Variants in ADD1 observed in about 807,000 individuals in gnomAD.
The protein encoded by ADD1 is alpha-adducin.
Under a neutral mutation model 80.5 loss-of-function variants are expected in ADD1, and 24 were observed. The observed-to-expected ratio is 0.30, with a 90% CI of 0.22 to 0.42. ADD1 has a LOEUF of 0.42. Among genes scored for constraint, ADD1 ranks in the 10% least tolerant of loss-of-function variants. The probability of loss-of-function intolerance (pLI) is 1.00; values close to 1 mark genes in which losing one functional copy is unlikely to be tolerated. For missense variants in ADD1, 948 were observed against 1,019.0 expected, an observed-to-expected ratio of 0.93 and a Z score of 0.95; for synonymous variants, 373 against 393.8, an observed-to-expected ratio of 0.95 and a Z score of 0.63.
At chr4:2,899,519 G>A (rs1320551807) in intron 9 of ADD1, 84 bp downstream of exon 9, 1 of 1,472,842 alleles carries the variant, frequency 6.8e-7, no homozygotes, top group African/African-American at 1.4e-5. Flanking sequence ...TGCGATTGCT[G>A]TCTTTTATGC....
chr4:2,869,141 C>T (rs897010233), intron 1 of ADD1, among the ~76,000 whole-genome samples: 4 of 152,140 alleles, frequency 2.6e-5, no homozygotes, highest in Non-Finnish European at 5.9e-5. Flanking sequence ...TTCCTGACAG[C>T]CCCTCTCTAT....
chr4:2,908,811 C>T lies in ADD1; in HGVS notation c.1698+207C>T, dbSNP rs187024477. 23 of 589,022 alleles carry T rather than the reference C, an allele frequency of 3.9e-5. No individual in the cohort carries two copies. The African/African-American group carries it at 3.9e-4, about 10-fold the overall frequency. The allele number at this position is 589,022 out of a possible 1,614,324, so 36.5% of individuals were successfully genotyped here. ...CGAGCATGCTGAGGGCTGTGTCCAC[C>T]CCTCTGGTCATGCCCCTTGTAATGC... is the stretch of plus-strand genomic sequence containing the variant. On this transcript the variant is annotated intron_variant, in intron 12 of 15. Coordinates refer to ENST00000683351, the MANE Select transcript of ADD1 (RefSeq NM_001354761.2).
In ADD1 at chr4:2,904,863, T is replaced by G. The variant is rs1416491196; in HGVS notation, c.1261T>G (p.Phe421Val). ...TCCTGCTAGTGTCACAGGTTACTCCTTTGCTAGTGACGGTGATTCGGGCAC... is the reference window on the plus strand; with the variant it reads ...TCCTGCTAGTGTCACAGGTTACTCCGTTGCTAGTGACGGTGATTCGGGCAC... ...EVPASVTGYS[F>V]ASDGDSGTCS... The change falls in exon 10 of 16, where the codon TTT (phenylalanine) becomes GTT (valine). Residue 421 changes from phenylalanine (F) to valine (V), a missense_variant. Phe to Val is a conservative substitution (Grantham distance 50). Coordinates refer to ENST00000683351, the MANE Select transcript of ADD1 (RefSeq NM_001354761.2). 2 of 1,614,070 alleles carry G rather than the reference T, an allele frequency of 1.2e-6. No individual in the cohort carries two copies. Among genetic ancestry groups the G allele is most frequent in the East Asian group, 2.2e-5 (1 of 44,896 alleles).
At chr4:2,845,863 C>A (rs1726121840) in intron 1 of ADD1, among the ~76,000 whole-genome samples, 1 of 152,140 alleles carries the variant, frequency 6.6e-6, no homozygotes, top group African/African-American at 2.4e-5. Context: ...TTGCTTGAAA[C>A]TTAGAGTTAG....
chr4:2,858,563 C>A (rs1728404408), intron 1 of ADD1, among the ~76,000 whole-genome samples: 1 of 152,220 alleles, frequency 6.6e-6, no homozygotes, highest in South Asian at 2.1e-4. Flanking sequence ...AAACCAGATT[C>A]TTTTCTGCAC....
intron 10 of ADD1, chr4:2,907,496 T>C (rs1737261216): frequency 9.9e-6 from 4 of 402,498 alleles, no homozygotes; most frequent in South Asian, 9.9e-5. Context: ...CAGATTCAGC[T>C]GGGCTTTCCA....
chr4:2,907,628 G>A (rs1310184884), intron 10 of ADD1, 115 bp from the exon 11 acceptor site: 6 of 899,394 alleles, frequency 6.7e-6, no homozygotes, highest in Non-Finnish European at 7.3e-6. Context: ...CATTGGTTCA[G>A]TCCTCTCTGT....
intron 6 of ADD1, among the ~76,000 whole-genome samples, chr4:2,896,972 C>T (rs550107207): frequency 6.6e-6 from 1 of 152,220 alleles, no homozygotes; most frequent in East Asian, 1.9e-4. Context: ...GTTGACCAGG[C>T]TGGTCTCGAA....
At position 2,915,038 on chromosome 4, in the gene ADD1, A is replaced by G; in HGVS notation, c.1946A>G (p.Glu649Gly). The G allele has an allele frequency of 6.2e-7, 1 of 1,610,944 alleles. No individual in the cohort carries two copies. Among genetic ancestry groups the G allele is most frequent in the Non-Finnish European group, 8.5e-7 (1 of 1,178,376 alleles). The change falls in exon 14 of 16, where the codon GAA (glutamate) becomes GGA (glycine). Residue 649 changes from glutamate to glycine, a missense_variant and splice_region_variant. Transcript: ENST00000683351. ...GTGGAGAGGAAGCAGAAGGGCTCTGAAGGTGAGTGCTTGTGGTCCTGGGCA... is the reference window on the plus strand; with the variant it reads ...GTGGAGAGGAAGCAGAAGGGCTCTGGAGGTGAGTGCTTGTGGTCCTGGGCA... Reference protein sequence around the residue: ...REVERKQKGSEENLDEAREQK... With the variant: ...REVERKQKGSGENLDEAREQK...
chr4:2,859,921 C>T (rs886354469), intron 1 of ADD1, among the ~76,000 whole-genome samples: 2 of 119,004 alleles, frequency 1.7e-5, no homozygotes, highest in Non-Finnish European at 1.8e-5. Context: ...TGATATTGCT[C>T]CATTTTTTTT....
chr4:2,889,081 G>A (rs1733878073), intron 4 of ADD1, among the ~76,000 whole-genome samples: 2 of 152,128 alleles, frequency 1.3e-5, no homozygotes, highest in African/African-American at 4.8e-5. Context: ...GAACAGCTAG[G>A]CAAGGAGATT....
At chr4:2,892,655 C>T (rs909210955) in intron 4 of ADD1, among the ~76,000 whole-genome samples, 1 of 151,864 alleles carries the variant, frequency 6.6e-6, no homozygotes, top group Non-Finnish European at 1.5e-5. Context: ...CTTAGTGAGA[C>T]CCCATCTCTA....
chr4:2,898,316 C>T lies in ADD1; in HGVS notation c.874C>T (p.Pro292Ser), dbSNP rs1346552808. ...AGTTTTGATTCAGAAAAATCTGGGG[C>T]CTAAAAGCAAGGTCAGTAGGCATCT... is the stretch of plus-strand genomic sequence containing the variant. ...EKVLIQKNLG[P>S]KSKVLILRNH... The change falls in exon 7 of 16, where the codon CCT (proline) becomes TCT (serine). Residue 292 changes from proline (P) to serine (S), a missense_variant. Physicochemically the swap from Pro to Ser is moderately conservative, Grantham distance 74 (BLOSUM62 -1). Transcript: ENST00000683351. 1 of 1,614,150 alleles carries T rather than the reference C, an allele frequency of 6.2e-7. No individual in the cohort carries two copies. The highest frequency in any genetic ancestry group is 1.7e-5 in the Admixed American group (1 of 60,012).
At chr4:2,894,161 T>A in intron 5 of ADD1, 68 bp downstream of exon 5, 1 of 1,273,764 alleles carries the variant, frequency 7.9e-7, no homozygotes, top group Non-Finnish European at 1.1e-6. Flanking sequence ...CATCTTCAGA[T>A]CAGCTAAATA....
At chr4:2,918,842 T>C (rs893284329) in intron 14 of ADD1, among the ~76,000 whole-genome samples, 2 of 151,556 alleles carry the variant, frequency 1.3e-5, no homozygotes, top group African/African-American at 4.9e-5. Flanking sequence ...GGTTTTTTTG[T>C]TATTTGGTTT....
chr4:2,847,447 C>T (rs1347451501), intron 1 of ADD1, among the ~76,000 whole-genome samples: 1 of 152,112 alleles, frequency 6.6e-6, no homozygotes, highest in East Asian at 1.9e-4. Flanking sequence ...TCTACTCAAC[C>T]TTCTCATTTT....
chr4:2,895,290 A>G (rs1213064617), intron 6 of ADD1, among the ~76,000 whole-genome samples: 3 of 152,054 alleles, frequency 2.0e-5, no homozygotes, highest in African/African-American at 7.2e-5. Context: ...AAACAAAGTC[A>G]TAGAGAATTG....
chr4:2,926,063 G>A lies in ADD1; in HGVS notation c.1998G>A (p.Gln666=), dbSNP rs147536529. The A allele has an allele frequency of 3.1e-6, 5 of 1,614,050 alleles. No individual in the cohort carries two copies. Among genetic ancestry groups the A allele is most frequent in the Non-Finnish European group, 4.2e-6 (5 of 1,180,036 alleles). ...REQKEKSPPD[Q]PAVPHPPPST... is the part of the protein sequence containing the mutation. ...AGAAAGAAAAGAGTCCTCCAGACCA[G>A]CCTGCGGTCCCCCACCCGCCTCCCA... The change falls in exon 15 of 16, where the codon CAG becomes CAA. Residue 666 remains glutamine (Q), a synonymous_variant. Transcript: ENST00000683351. This position sits in a 1 kb window ranked among gnomAD's most constrained non-coding sequence, Gnocchi z 5.0.
intron 4 of ADD1, among the ~76,000 whole-genome samples, chr4:2,886,994 T>C (rs938546631): frequency 7.9e-5 from 12 of 152,232 alleles, no homozygotes; most frequent in African/African-American, 2.2e-4. Flanking sequence ...TAGTCCTATT[T>C]TGAATGCTGA....
Sources: allele counts gnomAD v4.1 joint callset (sites outside exome capture counted in the v4.1 genomes callset), GRCh38; gene constraint gnomAD v4.1.1; non-coding constraint Gnocchi (gnomAD v3.1); transcripts MANE v1.5; gene names NCBI Gene and HGNC (gene_info 2026-07-23, HGNC 2026-07-21).